CLEC4C: variants seen among roughly 807,000 people sequenced by gnomAD.
CLEC4C encodes the protein C-type lectin domain family 4 member C, also known as C-type (calcium dependent, carbohydrate-recognition domain) lectin, superfamily member 11.
In CLEC4C, 17 loss-of-function variants were observed where a neutral mutation model predicts 27.7. That is an observed-to-expected ratio of 0.61 (90% CI 0.42 to 0.92). The LOEUF (loss-of-function observed/expected upper bound fraction) is 0.92, where lower values mean the gene tolerates loss of function less well. Among genes scored for constraint, CLEC4C ranks in the 40% least tolerant of loss-of-function variants. The pLI, the probability that CLEC4C is intolerant of heterozygous loss-of-function variation, is 0.00. For missense variants in CLEC4C, 244 were observed against 257.3 expected (o/e 0.95, Z 0.35); for synonymous variants, 80 against 80.8 (o/e 0.99, Z 0.06).
intron 2 of CLEC4C, among the ~76,000 whole-genome samples, chr12:7,745,424 CTTTTTTTT>C (rs140956970): frequency 2.1e-5 from 1 of 48,180 alleles, no homozygotes; most frequent in South Asian, 1.4e-3. Flanking sequence ...TCAGTCTATG[CTTTTTTTT>C]TTTTTTTTTT....
intron 3 of CLEC4C, among the ~76,000 whole-genome samples, chr12:7,739,355 C>T (rs1017527824): frequency 6.6e-6 from 1 of 152,062 alleles, no homozygotes; most frequent in South Asian, 2.1e-4. Flanking sequence ...TCGTGATCCG[C>T]CCGCCTCGGC....
chr12:7,732,864 G>T (rs1470153950), intron 4 of CLEC4C, among the ~76,000 whole-genome samples: 3 of 151,758 alleles, frequency 2.0e-5, no homozygotes, highest in Non-Finnish European at 4.4e-5. Context: ...CAGGAGAATG[G>T]CATGAACCCA....
At chr12:7,738,085 G>A (rs1022310301) in intron 3 of CLEC4C, among the ~76,000 whole-genome samples, 3 of 152,064 alleles carry the variant, frequency 2.0e-5, no homozygotes, top group African/African-American at 7.2e-5. Context: ...GCAAAAATAA[G>A]CTTCGCAATG....
intron 3 of CLEC4C, among the ~76,000 whole-genome samples, chr12:7,739,772 G>A (rs781675811): frequency 4.0e-5 from 6 of 151,860 alleles, no homozygotes; most frequent in African/African-American, 1.2e-4. Flanking sequence ...CTCAACCTCC[G>A]GAGCTCAACT....
chr12:7,741,645 T>C (rs895313721), intron 2 of CLEC4C, 114 bp from the exon 3 acceptor site: 7 of 618,946 alleles, frequency 1.1e-5, no homozygotes, highest in Non-Finnish European at 2.1e-5. Context: ...CTCAGCACTT[T>C]AGGAGGCCGA....
chr12:7,749,418 G>A (rs1565466060), upstream of CLEC4C: 1 of 151,990 alleles, frequency 6.6e-6, no homozygotes, highest in Non-Finnish European at 1.5e-5. Flanking sequence ...AGCCAAGCAT[G>A]GTGGCACACG....
rs748670892 is a variant in CLEC4C at position 7,737,476 on chromosome 12, A to T, written c.334T>A (p.Ser112Thr). The change falls in exon 4 of 6, where the codon TCT (serine) becomes ACT (threonine). Residue 112 changes from serine (S) to threonine (T), a missense_variant. Ser to Thr is a moderately conservative substitution (Grantham distance 58). Coordinates refer to ENST00000360345, the MANE Select transcript of CLEC4C (RefSeq NM_001371390.1). ...QSWTKSQKNC[S>T]VMGADLVVIN... ...ACCACCAGATCAGCCCCCATCACAG[A>T]ACAGTTCTTTTGACTCTTAGTCCAA... 3 of 1,613,954 alleles carry T rather than the reference A, an allele frequency of 1.9e-6. No homozygotes were observed. The highest frequency in any genetic ancestry group is 1.7e-5 in the Admixed American group (1 of 59,968).
intron 4 of CLEC4C, 55 bp from the exon 5 acceptor site, chr12:7,730,967 G>A (rs1864584031): frequency 2.4e-6 from 2 of 844,524 alleles, no homozygotes; most frequent in Non-Finnish European, 4.1e-6. Flanking sequence ...ACCCTCATCT[G>A]GGACGAACAC....
intron 4 of CLEC4C, 88 bp downstream of exon 4, chr12:7,737,341 G>GCTT: frequency 1.6e-6 from 1 of 630,434 alleles, no homozygotes; most frequent in Non-Finnish European, 2.2e-6. Context: ...TTTTTTTCCT[G>GCTT]TCTTTGAACT....
chr12:7,746,376 C>T lies in CLEC4C; in HGVS notation c.79G>A (p.Val27Ile), dbSNP rs370896266. The change falls in exon 2 of 6, where the codon GTA becomes ATA. Residue 27 changes from valine to isoleucine, a missense_variant. Coordinates refer to ENST00000360345, the MANE Select transcript of CLEC4C (RefSeq NM_001371390.1). ...FQLKVWSMAVVSILLLSVCFT... is the reference protein window; with the variant it reads ...FQLKVWSMAVISILLLSVCFT... Reference sequence around the variant, plus strand: ...CAGACACTGAGGAGCAAGATGGATACGACTGCCATGGACCAGACCTTCAAC... The same window carrying T: ...CAGACACTGAGGAGCAAGATGGATATGACTGCCATGGACCAGACCTTCAAC... 76 of 1,613,766 alleles carry T rather than the reference C, an allele frequency of 4.7e-5. No individual in the cohort carries two copies. The highest frequency in any genetic ancestry group is 2.5e-4 in the African/African-American group (19 of 75,008).
chr12:7,747,426 A>G, upstream of CLEC4C: 1 of 1,451,656 alleles, frequency 6.9e-7, no homozygotes. Context: ...CAAAGATGTT[A>G]CTTTCGGGGT....
rs906439047 is a variant in CLEC4C, at chr12:7,730,808, A to T, written c.486T>A (p.Asn162Lys). The change falls in exon 5 of 6, where the codon AAT becomes AAA. Residue 162 changes from asparagine (N) to lysine (K), a missense_variant. Physicochemically the swap from Asn to Lys is moderately conservative, Grantham distance 94 (BLOSUM62 0). Coordinates refer to ENST00000360345, the MANE Select transcript of CLEC4C (RefSeq NM_001371390.1). ...HWQWVDQTPY[N>K]ENVTFWHSGE... The stretch of plus-strand genomic sequence containing the variant: ...CATTCTATACTCACGTGACATTTTC[A>T]TTGTATGGTGTCTGGTCAACCCATT... The T allele has an allele frequency of 6.3e-7, 1 of 1,582,804 alleles. No individual in the cohort carries two copies. Among genetic ancestry groups the T allele is most frequent in the East Asian group, 2.2e-5 (1 of 44,660 alleles).
At position 7,730,843 on chromosome 12, in the gene CLEC4C, G is replaced by T. The variant is rs773413579; in HGVS notation, c.451C>A (p.Arg151=). Reference sequence around the variant, plus strand: ...GTCTGGTCAACCCATTGCCAATGTCGCCGACCCCCTGGATCTGACAGCCCC... The same window carrying T: ...GTCTGGTCAACCCATTGCCAATGTCTCCGACCCCCTGGATCTGACAGCCCC... The part of the protein sequence containing the change: ...FLGLSDPGGR[R]HWQWVDQTPY... Residue 151 remains arginine, a synonymous_variant, in exon 5 of 6, where the codon CGA becomes AGA. Transcript: ENST00000360345. The T allele has an allele frequency of 3.1e-6, 5 of 1,610,644 alleles. No individual in the cohort carries two copies. In the South Asian group the frequency reaches 5.5e-5, roughly 18 times the overall value.
In CLEC4C at chr12:7,729,488, T is replaced by C. The variant is rs752467892; in HGVS notation, c.*108A>G. The C allele has an allele frequency of 1.0e-6, 1 of 978,746 alleles. No individual in the cohort carries two copies. The highest frequency in any genetic ancestry group is 2.2e-5 in the Admixed American group (1 of 45,810). 60.6% of individuals were successfully genotyped at this position (978,746 alleles called of 1,614,324 possible). A position where few individuals can be genotyped will look rare whatever the true frequency, so the allele number is the denominator to read the frequency against. On this transcript the variant is annotated 3_prime_UTR_variant, in exon 6 of 6. Transcript: ENST00000360345. ...TAATAGGTGACAGCCTGCTGAAACATTTTAGGGGCATTCCTTGTACAAAAC... is the reference window on the plus strand; with the variant it reads ...TAATAGGTGACAGCCTGCTGAAACACTTTAGGGGCATTCCTTGTACAAAAC...
At chr12:7,745,607 A>G (rs1864957917) in intron 2 of CLEC4C, among the ~76,000 whole-genome samples, 1 of 150,694 alleles carries the variant, frequency 6.6e-6, no homozygotes, top group Non-Finnish European at 1.5e-5. Flanking sequence ...TAATTTTTGT[A>G]TTTTTAGTAG....
At chr12:7,747,997 AACGG>A (rs1865023362), upstream of CLEC4C, among the ~76,000 whole-genome samples, 1 of 151,860 alleles carries the variant, frequency 6.6e-6, no homozygotes. Context: ...GCAGTATGAA[AACGG>A]ACTAATACAG....
At chr12:7,737,324 G>GTT (rs35561801) in intron 4 of CLEC4C, 105 bp downstream of exon 4, 401 of 743,194 alleles carry the variant, frequency 5.4e-4, no homozygotes, top group Non-Finnish European at 5.9e-4. Context: ...TTACCCAGAA[G>GTT]TTTTTTTTTT....
rs550518517 is a variant in CLEC4C at position 7,745,214 on chromosome 12, C to A, written c.124+1117G>T. ...GTTTAGATGAGGTTATGAGGGGGGG[C>A]TCTCATGGTGAGATGAATGCTCTTA... On this transcript the variant is annotated intron_variant, in intron 2 of 5. Coordinates refer to ENST00000360345, the MANE Select transcript of CLEC4C (RefSeq NM_001371390.1). 7.6e-4 allele frequency among the ~76,000 whole-genome samples: 116 copies of A among 151,976 alleles called. 1 individual carries two copies. Among genetic ancestry groups the A allele is most frequent in the Middle Eastern group, 3.4e-3 (1 of 292 alleles).
At chr12:7,731,059 A>G in intron 4 of CLEC4C, 147 bp from the exon 5 acceptor site, 1 of 509,560 alleles carries the variant, frequency 2.0e-6, no homozygotes, top group Non-Finnish European at 3.6e-6. Flanking sequence ...GCAGACAGAA[A>G]GAGCAGACAG....
Sources: allele counts gnomAD v4.1 joint callset (sites outside exome capture counted in the v4.1 genomes callset), GRCh38; gene constraint gnomAD v4.1.1; transcripts MANE v1.5; gene names NCBI Gene and HGNC (gene_info 2026-07-23, HGNC 2026-07-21).